Variants in RPS6KA2 observed in about 807,000 individuals in gnomAD.
RPS6KA2 encodes the protein ribosomal protein S6 kinase A2.
Under a neutral mutation model 91.8 loss-of-function variants are expected in RPS6KA2, and 42 were observed. The ratio of observed to expected loss-of-function variants is 0.46; its 90% CI spans 0.36 to 0.59. RPS6KA2 has a LOEUF of 0.59. Among genes scored for constraint, RPS6KA2 ranks in the 20% least tolerant of loss-of-function variants. The pLI is 0.00. For synonymous variants in RPS6KA2, 414 were observed against 393.6 expected, an observed-to-expected ratio of 1.05 and a Z score of -0.61; for missense variants, 798 against 978.5, an observed-to-expected ratio of 0.82 and a Z score of 2.46.
intron 1 of RPS6KA2, among the ~76,000 whole-genome samples, chr6:166,610,380 A>G (rs1037429230): frequency 6.6e-6 from 1 of 152,220 alleles, no homozygotes. Flanking sequence ...TGAATTTCTG[A>G]ATTCTGAGAG....
rs923570900 is a variant in RPS6KA2, at chr6:166,626,060, C to T, written c.99+861G>A. Among the ~76,000 whole-genome samples, 12 of 152,206 alleles carry T rather than the reference C, an allele frequency of 7.9e-5. No homozygotes were observed. Among genetic ancestry groups the T allele is most frequent in the Non-Finnish European group, 1.6e-4 (11 of 68,034 alleles). ...CCTTGAGGCAAAGGCGGGACAGTGT[C>T]AGGCGAAATCTTTGGGTCCCAGCCT... On this transcript the variant is annotated intron_variant, in intron 1 of 20. Transcript: ENST00000265678. This position sits in a 1 kb window ranked among gnomAD's most constrained non-coding sequence, Gnocchi z 4.1.
intron 1 of RPS6KA2, among the ~76,000 whole-genome samples, chr6:166,625,323 A>ACCCC (rs1338733933): frequency 4.9e-4 from 15 of 30,340 alleles, no homozygotes; most frequent in Admixed American, 6.2e-4. Context: ...TATTCCCACC[A>ACCCC]CCCCCCCACC....
chr6:166,604,202 CG>C (rs1785854366), intron 1 of RPS6KA2, among the ~76,000 whole-genome samples: 1 of 152,174 alleles, frequency 6.6e-6, no homozygotes, highest in South Asian at 2.1e-4. Context: ...GGAGATGTGA[CG>C]GGGACAAATG....
chr6:166,444,661 C>T (rs78801468), intron 14 of RPS6KA2, among the ~76,000 whole-genome samples: 8,901 of 152,244 alleles, frequency 0.058, 426 homozygotes, highest in African/African-American at 0.11. Context: ...GGTGTCTTCC[C>T]GCCCGAGGCC....
chr6:166,455,578 G>C (rs150243447), intron 12 of RPS6KA2, among the ~76,000 whole-genome samples: 8 of 152,182 alleles, frequency 5.3e-5, no homozygotes, highest in Non-Finnish European at 1.2e-4. Context: ...AACTTCCAAC[G>C]CTCCAGACTA....
At position 166,626,240 on chromosome 6, in the gene RPS6KA2, C is replaced by CT. The variant is rs1318560091; in HGVS notation, c.99+680dup. Among the ~76,000 whole-genome samples the CT allele has an allele frequency of 1.3e-5, 2 of 152,250 alleles. No homozygotes were observed. The highest frequency in any genetic ancestry group is 2.4e-5 in the African/African-American group (1 of 41,472). ...CGAGAGAACCGTCCACAAGGAAACT[C>CT]TAAGATGCCAAGATGCGGGACAGGT... On this transcript the variant is annotated intron_variant, in intron 1 of 20. Transcript: ENST00000265678. This position sits in a 1 kb window ranked among gnomAD's most constrained non-coding sequence, Gnocchi z 4.1.
At chr6:166,824,777 G>A (rs963385172) in intron 2 of RPS6KA2, among the ~76,000 whole-genome samples, 4 of 25,330 alleles carry the variant, frequency 1.6e-4, no homozygotes, top group African/African-American at 4.1e-4. Flanking sequence ...GTGTGTCTAC[G>A]TGTGTGTCTG....
intron 2 of RPS6KA2, among the ~76,000 whole-genome samples, chr6:166,740,883 G>C (rs913546303): frequency 6.6e-6 from 1 of 152,256 alleles, no homozygotes; most frequent in East Asian, 1.9e-4. Context: ...TGGGCAAAAC[G>C]TTTGAAATGT....
At chr6:166,461,147 G>A (rs1029908604) in intron 11 of RPS6KA2, among the ~76,000 whole-genome samples, 2 of 152,174 alleles carry the variant, frequency 1.3e-5, no homozygotes, top group African/African-American at 2.4e-5. Flanking sequence ...GCGTGCACGC[G>A]GGAACCATCG....
At chr6:166,630,216 T>G (rs1787030757), upstream of RPS6KA2, among the ~76,000 whole-genome samples, 1 of 152,120 alleles carries the variant, frequency 6.6e-6, no homozygotes. Context: ...AGGCACCTTG[T>G]GGGTAAGGCT....
chr6:166,643,197 A>G (rs935152862), intron 2 of RPS6KA2, among the ~76,000 whole-genome samples: 1 of 152,354 alleles, frequency 6.6e-6, no homozygotes, highest in South Asian at 2.1e-4. Flanking sequence ...AGTGAGGCAA[A>G]ATAAAATCCT....
At chr6:166,521,289 C>T (rs1369851990) in intron 3 of RPS6KA2, among the ~76,000 whole-genome samples, 2 of 152,236 alleles carry the variant, frequency 1.3e-5, no homozygotes, top group Non-Finnish European at 2.9e-5. Flanking sequence ...TGGGAGGCCA[C>T]CCAAAGCTGT....
intron 13 of RPS6KA2, among the ~76,000 whole-genome samples, chr6:166,449,201 C>T (rs1300876010): frequency 1.3e-5 from 2 of 152,152 alleles, no homozygotes; most frequent in Admixed American, 1.3e-4. Flanking sequence ...TGCCTGTGTG[C>T]AGAGCAAGAC....
rs1787373520 is a variant in RPS6KA2, at chr6:166,639,878, C to T, written c.124-101094G>A. Among the ~76,000 whole-genome samples, 2 of 152,050 alleles carry T rather than the reference C, an allele frequency of 1.3e-5. No homozygotes were observed. Among genetic ancestry groups the T allele is most frequent in the African/African-American group, 2.4e-5 (1 of 41,388 alleles). On this transcript the variant is annotated intron_variant, in intron 2 of 21. Transcript: ENST00000503859. The surrounding 1 kb of genome is among the most constrained non-coding windows in gnomAD (Gnocchi z 4.2). ...TGTGCTGTATTAAAACTTTGGGTTC[C>T]CCTCTCTCTCCCACCAATGTTAAAC...
intron 2 of RPS6KA2, among the ~76,000 whole-genome samples, chr6:166,534,004 C>T (rs1426901675): frequency 2.6e-5 from 4 of 151,964 alleles, no homozygotes; most frequent in East Asian, 1.9e-4. Flanking sequence ...GGGCGGATCA[C>T]GAGGTCAGGA....
Position 166,418,352 on chromosome 6 carries a change from T to G in RPS6KA2, c.1821-10A>C, listed in dbSNP as rs1228189828. 1 of 1,595,256 alleles carries G rather than the reference T, an allele frequency of 6.3e-7. No individual in the cohort carries two copies. ...TGCAAAAGGGGTAAATCTGTATAATTAGACAAATTTGTGGTAATGAGCTTG... is the reference window on the plus strand; with the variant it reads ...TGCAAAAGGGGTAAATCTGTATAATGAGACAAATTTGTGGTAATGAGCTTG... On this transcript the variant is annotated splice_polypyrimidine_tract_variant and intron_variant, in intron 18 of 20. Coordinates refer to ENST00000265678, the MANE Select transcript of RPS6KA2 (RefSeq NM_021135.6). This position sits in a 1 kb window ranked among gnomAD's most constrained non-coding sequence, Gnocchi z 4.9.
chr6:166,679,323 G>A (rs1274139063), intron 2 of RPS6KA2, among the ~76,000 whole-genome samples: 1 of 151,840 alleles, frequency 6.6e-6, no homozygotes, highest in Non-Finnish European at 1.5e-5. Flanking sequence ...AATTAGCCAG[G>A]CATGGTGGCG....
intron 1 of RPS6KA2, among the ~76,000 whole-genome samples, chr6:166,569,070 G>A (rs544391820): frequency 3.3e-5 from 5 of 152,194 alleles, no homozygotes; most frequent in African/African-American, 1.2e-4. Flanking sequence ...GAAGGGTATT[G>A]GGAAAAAAAC....
intron 1 of RPS6KA2, among the ~76,000 whole-genome samples, chr6:166,581,180 TG>T (rs1410979603): frequency 1.3e-5 from 2 of 152,350 alleles, no homozygotes; most frequent in South Asian, 2.1e-4. Flanking sequence ...CTTGAGCCAC[TG>T]TGTCTGGCCA....
Sources: allele counts gnomAD v4.1 joint callset (sites outside exome capture counted in the v4.1 genomes callset), GRCh38; gene constraint gnomAD v4.1.1; non-coding constraint Gnocchi (gnomAD v3.1); transcripts MANE v1.5; gene names NCBI Gene and HGNC (gene_info 2026-07-23, HGNC 2026-07-21).